The following CFDP1 variants were observed in gnomAD, a reference collection of about 807,000 sequenced individuals.
The protein encoded by CFDP1 is heterochromatin-stabilizing protein CFDP1.
Under a neutral mutation model 40.1 loss-of-function variants are expected in CFDP1, and 31 were observed. The observed-to-expected ratio is 0.77, with a 90% CI of 0.58 to 1.04. CFDP1 has a LOEUF of 1.04. CFDP1 is among the 50% of genes least tolerant of loss of function. The pLI, the probability that CFDP1 is intolerant of heterozygous loss-of-function variation, is 0.00. For synonymous variants in CFDP1, 167 were observed against 120.0 expected, an observed-to-expected ratio of 1.39 and a Z score of -2.56; for missense variants, 423 against 343.4, an observed-to-expected ratio of 1.23 and a Z score of -1.83.
intron 6 of CFDP1, among the ~76,000 whole-genome samples, chr16:75,294,469 G>C (rs1367289205): frequency 6.6e-6 from 1 of 152,046 alleles, no homozygotes; most frequent in Non-Finnish European, 1.5e-5. Flanking sequence ...TGAATTGGTG[G>C]GTAAGAGAAA....
chr16:75,337,466 G>A (rs533497116), intron 5 of CFDP1, among the ~76,000 whole-genome samples: 1 of 152,298 alleles, frequency 6.6e-6, no homozygotes, highest in Non-Finnish European at 1.5e-5. Flanking sequence ...AACCTCTCCA[G>A]TCACTCAATC....
chr16:75,362,091 T>C (rs1042791847), intron 5 of CFDP1, among the ~76,000 whole-genome samples: 6 of 144,520 alleles, frequency 4.2e-5, no homozygotes, highest in Non-Finnish European at 6.2e-5. Flanking sequence ...TGCTTGCTAG[T>C]TCCTAGACTG....
chr16:75,405,930 A>G (rs1372713090), intron 4 of CFDP1, among the ~76,000 whole-genome samples: 1 of 151,408 alleles, frequency 6.6e-6, no homozygotes, highest in African/African-American at 2.4e-5. Context: ...AAAAAAAAAA[A>G]GAAAAAAGAA....
At chr16:75,375,194 A>C (rs1464768844) in intron 5 of CFDP1, among the ~76,000 whole-genome samples, 1 of 152,190 alleles carries the variant, frequency 6.6e-6, no homozygotes, top group African/African-American at 2.4e-5. Context: ...CACAAAAAGC[A>C]CTAACTGTAA....
chr16:75,305,863 C>T (rs943581671), intron 5 of CFDP1, among the ~76,000 whole-genome samples: 4 of 152,176 alleles, frequency 2.6e-5, no homozygotes, highest in African/African-American at 9.7e-5. Flanking sequence ...GGAGAACATT[C>T]CTCACTCCGA....
intron 5 of CFDP1, among the ~76,000 whole-genome samples, chr16:75,375,141 A>G (rs2078782745): frequency 6.6e-6 from 1 of 152,194 alleles, no homozygotes; most frequent in African/African-American, 2.4e-5. Flanking sequence ...GACCATTAAA[A>G]AAAGGCAAAA....
intron 5 of CFDP1, among the ~76,000 whole-genome samples, chr16:75,383,920 A>C (rs993934289): frequency 3.9e-5 from 6 of 152,110 alleles, no homozygotes; most frequent in African/African-American, 1.2e-4. Context: ...AAATGACTGA[A>C]GATTAATTAA....
rs572149484 is a variant in CFDP1, at chr16:75,356,915, T to C, written c.650+38175A>G. The stretch of plus-strand genomic sequence containing the variant: ...ATGGAAACAGCTGCTTTCTTTCTTT[T>C]TTTTTTTTTTTTTTTTGAGACAGAG... On this transcript the variant is annotated intron_variant, in intron 5 of 6. Transcript: ENST00000283882. 3.4e-3 allele frequency among the ~76,000 whole-genome samples: 488 copies of C among 145,532 alleles called. 1 individual carries two copies. Among genetic ancestry groups the C allele is most frequent in the African/African-American group, 0.01 (383 of 38,176 alleles).
chr16:75,384,642 A>ATGTGTAAG (rs1244333762), intron 5 of CFDP1, among the ~76,000 whole-genome samples: 1 of 152,040 alleles, frequency 6.6e-6, no homozygotes, highest in African/African-American at 2.4e-5. Flanking sequence ...TAAAAAACAT[A>ATGTGTAAG]TGTGTAAGGA....
At chr16:75,422,209 G>A (rs1054552123) in intron 1 of CFDP1, among the ~76,000 whole-genome samples, 2 of 151,922 alleles carry the variant, frequency 1.3e-5, no homozygotes, top group African/African-American at 4.8e-5. Context: ...CTATTCTCCT[G>A]CCTCAGCCTC....
chr16:75,357,085 G>A (rs1209750417), intron 5 of CFDP1, among the ~76,000 whole-genome samples: 1 of 151,556 alleles, frequency 6.6e-6, no homozygotes, highest in Admixed American at 6.6e-5. Flanking sequence ...GCTAATTTTT[G>A]TATTTTTAGT....
intron 5 of CFDP1, among the ~76,000 whole-genome samples, chr16:75,335,410 T>C (rs1353806149): frequency 1.3e-5 from 2 of 152,152 alleles, no homozygotes; most frequent in Non-Finnish European, 2.9e-5. Context: ...CCAAATTATT[T>C]TTTCTCCAAG....
chr16:75,321,872 G>C (rs944008209), intron 5 of CFDP1: 1 of 152,196 alleles, frequency 6.6e-6, no homozygotes, highest in Non-Finnish European at 1.5e-5. Context: ...CGCCCAGGCT[G>C]GAGTGCAGTC....
intron 5 of CFDP1, among the ~76,000 whole-genome samples, chr16:75,366,812 T>C (rs1392438136): frequency 1.1e-4 from 16 of 152,040 alleles, no homozygotes; most frequent in Admixed American, 9.8e-4. Flanking sequence ...AGGAAACTTT[T>C]TGGGTGATGG....
intron 6 of CFDP1, among the ~76,000 whole-genome samples, chr16:75,300,183 G>A (rs767600378): frequency 2.6e-5 from 4 of 152,242 alleles, no homozygotes; most frequent in Non-Finnish European, 4.4e-5. Flanking sequence ...TGGGGTGGTG[G>A]TAGTGGGGCT....
chr16:75,431,411 G>A (rs1487415887), intron 1 of CFDP1, among the ~76,000 whole-genome samples: 4 of 121,506 alleles, frequency 3.3e-5, no homozygotes, highest in Non-Finnish European at 4.8e-5. Flanking sequence ...ACGAGATCCC[G>A]CTACTGCACT....
rs886253024 is a variant in CFDP1, at chr16:75,412,430, T to C, written c.402+105A>G. 3 of 863,466 alleles carry C rather than the reference T, an allele frequency of 3.5e-6. No homozygotes were observed. In the African/African-American group the frequency reaches 5.0e-5, roughly 14 times the overall value. The allele number at this position is 863,466 out of a possible 1,614,324, so 53.5% of individuals were successfully genotyped here. ...AGGAAATGCTTTGCTTTTCACTTAGTACAATTGTTATCAAAAGGCATCTGG... is the reference window on the plus strand; with the variant it reads ...AGGAAATGCTTTGCTTTTCACTTAGCACAATTGTTATCAAAAGGCATCTGG... On this transcript the variant is annotated intron_variant, in intron 3 of 6. Transcript: ENST00000283882.
At chr16:75,404,105 C>G (rs932133464) in intron 4 of CFDP1, among the ~76,000 whole-genome samples, 2 of 151,504 alleles carry the variant, frequency 1.3e-5, no homozygotes, top group East Asian at 1.9e-4. Context: ...GCACTCCAGC[C>G]TGGGCAACAG....
intron 1 of CFDP1, among the ~76,000 whole-genome samples, chr16:75,431,247 T>C (rs1411094888): frequency 6.7e-6 from 1 of 148,180 alleles, no homozygotes; most frequent in East Asian, 2.0e-4. Context: ...AGGTCAGGAG[T>C]TTGAAACAAG....
Sources: allele counts gnomAD v4.1 joint callset (sites outside exome capture counted in the v4.1 genomes callset), GRCh38; gene constraint gnomAD v4.1.1; transcripts MANE v1.5; gene names NCBI Gene and HGNC (gene_info 2026-07-23, HGNC 2026-07-21).